Variants in CNTN4 observed in about 807,000 individuals in gnomAD.
CNTN4 encodes the protein contactin 4.
In CNTN4, 77 loss-of-function variants were observed where a neutral mutation model predicts 122.5. The ratio of observed to expected loss-of-function variants is 0.63; its 90% CI spans 0.52 to 0.76. The LOEUF (loss-of-function observed/expected upper bound fraction) is 0.76. Ranked by LOEUF, CNTN4 falls within the 30% of genes least tolerant of loss-of-function variation. The pLI is 0.00. For missense variants in CNTN4, 1,256 were observed against 1,259.1 expected, an observed-to-expected ratio of 1.00 and a Z score of 0.04; for synonymous variants, 512 against 447.0, an observed-to-expected ratio of 1.15 and a Z score of -1.83.
chr3:2,099,180 G>A (rs2031670581), intron 1 of CNTN4: 1 of 152,332 alleles, frequency 6.6e-6, no homozygotes, highest in South Asian at 2.1e-4. Context: ...GCCCTGCAGG[G>A]TCGGGGAGCG....
At chr3:2,553,263 G>C (rs1330606245) in intron 3 of CNTN4, among the ~76,000 whole-genome samples, 1 of 152,142 alleles carries the variant, frequency 6.6e-6, no homozygotes, top group Non-Finnish European at 1.5e-5. Context: ...TGAGAATGGT[G>C]GACTGGGTTT....
intron 3 of CNTN4, among the ~76,000 whole-genome samples, chr3:2,536,468 T>C (rs2077810545): frequency 6.6e-6 from 1 of 152,122 alleles, no homozygotes; most frequent in Non-Finnish European, 1.5e-5. Flanking sequence ...TGCCCTATGC[T>C]GAAAAGATTG....
intron 4 of CNTN4, among the ~76,000 whole-genome samples, chr3:2,647,810 G>A (rs1210568558): frequency 2.6e-5 from 4 of 152,066 alleles, no homozygotes; most frequent in Non-Finnish European, 4.4e-5. Context: ...TTACTGAAAA[G>A]GCAATCTTAA....
intron 12 of CNTN4, among the ~76,000 whole-genome samples, chr3:2,908,724 G>A (rs563432082): frequency 6.6e-5 from 10 of 152,314 alleles, no homozygotes; most frequent in African/African-American, 2.4e-4. Flanking sequence ...TGAGAATATT[G>A]TGAAAAAAGT....
intron 4 of CNTN4, among the ~76,000 whole-genome samples, chr3:2,602,262 G>T (rs984753990): frequency 6.6e-6 from 1 of 152,176 alleles, no homozygotes; most frequent in Non-Finnish European, 1.5e-5. Flanking sequence ...GCAGGAGAAA[G>T]AAATAAAGGG....
chr3:2,726,650 A>T (rs371489508), intron 4 of CNTN4, among the ~76,000 whole-genome samples: 1 of 152,202 alleles, frequency 6.6e-6, no homozygotes, highest in Admixed American at 6.5e-5. Context: ...TTTTATTCTC[A>T]TGAGTAAACA....
chr3:2,374,129 C>A (rs2045732809), intron 3 of CNTN4, among the ~76,000 whole-genome samples: 3 of 152,128 alleles, frequency 2.0e-5, no homozygotes. Context: ...TGATCTAACT[C>A]AGTAAAGGAA....
intron 8 of CNTN4, among the ~76,000 whole-genome samples, chr3:2,870,748 G>A (rs2093774907): frequency 6.6e-6 from 1 of 152,224 alleles, no homozygotes; most frequent in Admixed American, 6.5e-5. Context: ...TGCTAGACTT[G>A]TCATTTACTT....
At chr3:2,319,970 T>G (rs1249480315) in intron 2 of CNTN4, among the ~76,000 whole-genome samples, 2 of 152,214 alleles carry the variant, frequency 1.3e-5, no homozygotes, top group African/African-American at 4.8e-5. Flanking sequence ...TCATAATAAA[T>G]GCTTATATTA....
At chr3:2,528,286 C>T (rs2077474650) in intron 3 of CNTN4, among the ~76,000 whole-genome samples, 1 of 152,126 alleles carries the variant, frequency 6.6e-6, no homozygotes, top group Admixed American at 6.5e-5. Context: ...TATTATTTTA[C>T]ATTTGAAATT....
chr3:3,025,478 G>T lies in CNTN4; in HGVS notation c.1487-624G>T, dbSNP rs114554721. Among the ~76,000 whole-genome samples the T allele has an allele frequency of 5.4e-3, 826 of 152,074 alleles. 8 individuals are homozygous for T. The highest frequency in any genetic ancestry group is 0.019 in the African/African-American group (796 of 41,510). On this transcript the variant is annotated intron_variant, in intron 14 of 24. Transcript: ENST00000418658. Reference sequence around the variant, plus strand: ...GCCTATACAATATTGAGGAGAAAAAGGAAAATCGTATTTGTCTCATTTTTA... The same window carrying T: ...GCCTATACAATATTGAGGAGAAAAATGAAAATCGTATTTGTCTCATTTTTA...
At chr3:3,002,393 C>G (rs757843986) in intron 14 of CNTN4, among the ~76,000 whole-genome samples, 4 of 151,864 alleles carry the variant, frequency 2.6e-5, no homozygotes, top group Admixed American at 6.6e-5. Context: ...TCCTTGCCAA[C>G]TAGGGACGAA....
intron 4 of CNTN4, among the ~76,000 whole-genome samples, chr3:2,603,732 A>T (rs891431744): frequency 3.3e-5 from 5 of 152,214 alleles, no homozygotes; most frequent in African/African-American, 1.2e-4. Flanking sequence ...TCTTCAACAA[A>T]GCTCTATCTA....
chr3:2,137,503 G>A (rs185881414), intron 2 of CNTN4, among the ~76,000 whole-genome samples: 3 of 151,834 alleles, frequency 2.0e-5, no homozygotes, highest in Admixed American at 6.6e-5. Flanking sequence ...GGGGTGGGGG[G>A]ATTAGAAAGA....
At chr3:2,632,092 GTA>G (rs10665263) in intron 4 of CNTN4, among the ~76,000 whole-genome samples, 10 of 142,062 alleles carry the variant, frequency 7.0e-5, no homozygotes, top group Non-Finnish European at 1.6e-4. Flanking sequence ...ACACGTGTGT[GTA>G]TGTATGTATG....
intron 3 of CNTN4, among the ~76,000 whole-genome samples, chr3:2,352,750 C>T (rs1237557826): frequency 6.6e-6 from 1 of 152,226 alleles, no homozygotes; most frequent in Non-Finnish European, 1.5e-5. Context: ...CCATCAACCG[C>T]CCAAGGGCTG....
In CNTN4 at chr3:2,122,442, A is replaced by G. The variant is rs142318808; in HGVS notation, c.-145+21803A>G. On this transcript the variant is annotated intron_variant, in intron 2 of 24. Coordinates refer to ENST00000418658, the MANE Select transcript of CNTN4 (RefSeq NM_175607.3). ...AAAGATGAATCTTAGATGTCAGTCT[A>G]CATTAATCTATATGTAGCTAACTCT... Among the ~76,000 whole-genome samples, 380 of 152,338 alleles carry G rather than the reference A, an allele frequency of 2.5e-3. 1 individual carries two copies. In the Middle Eastern group the frequency reaches 0.034, roughly 14 times the overall value.
At chr3:2,616,148 C>T (rs1343434971) in intron 4 of CNTN4, among the ~76,000 whole-genome samples, 1 of 151,758 alleles carries the variant, frequency 6.6e-6, no homozygotes, top group East Asian at 1.9e-4. Flanking sequence ...CTCCCCTAAC[C>T]CCCCATCCCC....
At chr3:2,382,569 G>C (rs868730142) in intron 3 of CNTN4, among the ~76,000 whole-genome samples, 2 of 152,114 alleles carry the variant, frequency 1.3e-5, no homozygotes, top group South Asian at 2.1e-4. Context: ...TTCCTAAAAG[G>C]CTTGACTTCT....
Sources: allele counts gnomAD v4.1 joint callset (sites outside exome capture counted in the v4.1 genomes callset), GRCh38; gene constraint gnomAD v4.1.1; transcripts MANE v1.5; gene names NCBI Gene and HGNC (gene_info 2026-07-23, HGNC 2026-07-21).